Variants in PCM1 observed in about 807,000 individuals in gnomAD.
PCM1 encodes the protein pericentriolar material 1.
In PCM1, 157 loss-of-function variants were observed where a neutral mutation model predicts 241.9. The ratio of observed to expected loss-of-function variants is 0.65; its 90% CI spans 0.57 to 0.74. The LOEUF (loss-of-function observed/expected upper bound fraction) is 0.74, where lower values mean the gene tolerates loss of function less well. PCM1 is among the 30% of genes least tolerant of loss of function. The pLI, the probability that PCM1 is intolerant of heterozygous loss-of-function variation, is 0.00. For synonymous variants in PCM1, 1,085 were observed against 784.9 expected (o/e 1.38, Z -6.39); for missense variants, 3,478 against 2,360.1 (o/e 1.47, Z -9.81).
rs2094414554 is a variant in PCM1, at chr8:18,029,640, G to C, written c.*1978G>C. On this transcript the variant is annotated 3_prime_UTR_variant, in exon 39 of 39. Coordinates refer to ENST00000325083, the MANE Select transcript of PCM1 (RefSeq NM_006197.4). ...AGTCTATTGTTTTTCTATTTTAGTA[G>C]ATAATTTAGTTTTAAAATACGTAGG... The C allele has an allele frequency of 1.5e-5, 3 of 201,260 alleles. No homozygotes were observed. Among genetic ancestry groups the C allele is most frequent in the South Asian group, 3.8e-4 (2 of 5,260 alleles). 12.5% of individuals were successfully genotyped at this position (201,260 alleles called of 1,614,324 possible).
At chr8:17,932,928 T>C (rs34086303) in intron 2 of PCM1, among the ~76,000 whole-genome samples, 71,320 of 151,956 alleles carry the variant, frequency 0.47, 18,775 homozygotes, top group Non-Finnish European at 0.61. Context: ...TTAACTTTTT[T>C]TCTGTGTGTC....
Position 17,935,619 on chromosome 8 carries a change from A to G in PCM1, c.9A>G (p.Thr3=). The G allele has an allele frequency of 1.3e-6, 2 of 1,493,514 alleles. No homozygotes were observed. Among genetic ancestry groups the G allele is most frequent in the Non-Finnish European group, 1.9e-6 (2 of 1,070,610 alleles). The allele number at this position is 1,493,514 out of a possible 1,614,324, so 92.5% of individuals were successfully genotyped here. A position where few individuals can be genotyped will look rare whatever the true frequency, so the allele number is the denominator to read the frequency against. The change falls in exon 3 of 39, where the codon ACA becomes ACG. Residue 3 remains threonine, a synonymous_variant. Transcript: ENST00000325083. ...TAATTGTTAAATCCAGTATGGCCAC[A>G]GGAGGAGGTCCCTTTGAAGATGGCA... MA[T]GGGPFEDGMN...
At position 17,938,889 on chromosome 8, in the gene PCM1, A is replaced by G; in HGVS notation, c.492A>G (p.Glu164=). ...CATCTACAAACCCCCCAAACAGAGA[A>G]ACGATTGGATCAGCACAGTGTAAAG... is the stretch of plus-strand genomic sequence containing the variant. ...KDASTNPPNR[E]TIGSAQCKEL... The change falls in exon 5 of 39, where the codon GAA becomes GAG. Residue 164 remains glutamate, a synonymous_variant. Coordinates refer to ENST00000325083, the MANE Select transcript of PCM1 (RefSeq NM_006197.4). 1 of 1,613,744 alleles carries G rather than the reference A, an allele frequency of 6.2e-7. No individual in the cohort carries two copies. Among genetic ancestry groups the G allele is most frequent in the South Asian group, 1.1e-5 (1 of 91,088 alleles).
chr8:17,960,515 T>TTTTTTG (rs1278008288), intron 15 of PCM1, 71 bp downstream of exon 15: 2 of 1,084,262 alleles, frequency 1.8e-6, no homozygotes, highest in East Asian at 2.6e-5. Flanking sequence ...GAAAGTACTC[T>TTTTTTG]TTTTTGTTTT....
At chr8:17,994,898 G>C (rs2086099676) in intron 29 of PCM1, among the ~76,000 whole-genome samples, 3 of 151,158 alleles carry the variant, frequency 2.0e-5, no homozygotes, top group Non-Finnish European at 2.9e-5. Context: ...TTTTCCTATA[G>C]AGTTTGAACT....
chr8:17,978,241 C>A (rs1587625644), intron 23 of PCM1, among the ~76,000 whole-genome samples: 1 of 151,826 alleles, frequency 6.6e-6, no homozygotes, highest in South Asian at 2.1e-4. Flanking sequence ...CAGATAAAAT[C>A]AAGAGAAGAC....
At chr8:18,001,342 A>G (rs2089354133) in intron 29 of PCM1, among the ~76,000 whole-genome samples, 1 of 152,230 alleles carries the variant, frequency 6.6e-6, no homozygotes, top group Non-Finnish European at 1.5e-5. Context: ...TTGTTTCTCT[A>G]GAAACAATTT....
intron 36 of PCM1, among the ~76,000 whole-genome samples, chr8:18,019,537 G>A (rs756281315): frequency 6.6e-6 from 1 of 152,164 alleles, no homozygotes; most frequent in Non-Finnish European, 1.5e-5. Flanking sequence ...CCTGAAACTA[G>A]ATGGTCATAT....
chr8:18,025,875 G>C (rs867736050), intron 38 of PCM1, among the ~76,000 whole-genome samples: 1 of 152,082 alleles, frequency 6.6e-6, no homozygotes, highest in Non-Finnish European at 1.5e-5. Flanking sequence ...AAAAAATGTA[G>C]ACATGCTGGC....
Position 18,028,480 on chromosome 8 carries a change from A to AAAT in PCM1, c.*823_*825dup, listed in dbSNP as rs1461877661. On this transcript the variant is annotated 3_prime_UTR_variant, in exon 39 of 39. Transcript: ENST00000325083. ...AAACTTAACTTTTTCAAGTGGGGATAAATAATACAACTAAATTTCTGTAAT... is the reference window on the plus strand; with the variant it reads ...AAACTTAACTTTTTCAAGTGGGGATAAATAATAATACAACTAAATTTCTGTAAT... The AAAT allele has an allele frequency of 1.0e-5, 2 of 195,944 alleles. No homozygotes were observed. Among genetic ancestry groups the AAAT allele is most frequent in the African/African-American group, 4.6e-5 (2 of 43,392 alleles). 12.1% of individuals were successfully genotyped at this position (195,944 alleles called of 1,614,324 possible).
chr8:17,993,414 C>A, intron 28 of PCM1, 69 bp from the exon 29 acceptor site: 1 of 1,036,970 alleles, frequency 9.6e-7, no homozygotes, highest in Non-Finnish European at 1.3e-6. Flanking sequence ...TTTCAAATTT[C>A]AACATAAAGG....
chr8:18,015,068 A>G (rs2092993830), intron 36 of PCM1, among the ~76,000 whole-genome samples: 1 of 152,206 alleles, frequency 6.6e-6, no homozygotes. Flanking sequence ...CAAAGGGATA[A>G]AAAGATTTCA....
intron 8 of PCM1, 89 bp from the exon 9 acceptor site, chr8:17,952,881 T>C (rs113596393): frequency 4.3e-5 from 34 of 790,122 alleles, no homozygotes; most frequent in African/African-American, 4.2e-4. Flanking sequence ...TCTTTCTCTT[T>C]ATAAAGAATA....
In PCM1 at chr8:17,957,437, T is replaced by C. The variant is rs2069089176; in HGVS notation, c.1804+16T>C. On this transcript the variant is annotated intron_variant, in intron 12 of 38. Transcript: ENST00000325083. ...CCTTCTTTAGGTATGACTGACTGTATTTACATATAATTTTGCTGTGTTATT... is the reference window on the plus strand; with the variant it reads ...CCTTCTTTAGGTATGACTGACTGTACTTACATATAATTTTGCTGTGTTATT... 1 of 1,610,582 alleles carries C rather than the reference T, an allele frequency of 6.2e-7. No individual in the cohort carries two copies.
At chr8:17,976,320 C>G (rs1021619967) in intron 23 of PCM1, among the ~76,000 whole-genome samples, 4 of 152,220 alleles carry the variant, frequency 2.6e-5, no homozygotes, top group Non-Finnish European at 5.9e-5. Context: ...ACGATTGTCC[C>G]TTGAATGGTG....
intron 29 of PCM1, among the ~76,000 whole-genome samples, chr8:17,996,400 G>A (rs2086763289): frequency 6.6e-6 from 1 of 152,122 alleles, no homozygotes; most frequent in South Asian, 2.1e-4. Context: ...TGGTCACGAT[G>A]GATCATCTTT....
At chr8:18,025,785 G>A (rs141274110) in intron 38 of PCM1, 127 bp downstream of exon 38, 2 of 597,630 alleles carry the variant, frequency 3.3e-6, no homozygotes, top group East Asian at 3.0e-5. Flanking sequence ...TAGAAAGAAA[G>A]TGTAATTCTG....
chr8:17,976,582 C>T (rs1439995572), intron 23 of PCM1, among the ~76,000 whole-genome samples: 1 of 152,192 alleles, frequency 6.6e-6, no homozygotes, highest in Non-Finnish European at 1.5e-5. Context: ...GCCAAGACAG[C>T]TTGCACTGTG....
intron 34 of PCM1, among the ~76,000 whole-genome samples, chr8:18,013,500 AAAC>A (rs1564386553): frequency 6.6e-6 from 1 of 152,170 alleles, no homozygotes; most frequent in Non-Finnish European, 1.5e-5. Flanking sequence ...AAACAGTTTT[AAAC>A]AACTACCACC....
Sources: gnomAD v4.1 joint callset for allele counts (sites outside exome capture counted in the v4.1 genomes callset) on GRCh38, gnomAD v4.1.1 for gene constraint, MANE v1.5 for transcripts, NCBI Gene and HGNC (gene_info 2026-07-23, HGNC 2026-07-21) for gene names.